Variants in PCDH1 observed in about 807,000 individuals in gnomAD.
The protein encoded by PCDH1 is protocadherin-1.
A neutral mutation model predicts 74.6 loss-of-function variants in PCDH1; 23 were observed. The ratio of observed to expected loss-of-function variants is 0.31; its 90% CI spans 0.22 to 0.44. The LOEUF (loss-of-function observed/expected upper bound fraction) is 0.44, where lower values mean the gene tolerates loss of function less well. Among genes scored for constraint, PCDH1 ranks in the 20% least tolerant of loss-of-function variants. The pLI is 1.00. For missense variants in PCDH1, 1,214 were observed against 1,641.4 expected, an observed-to-expected ratio of 0.74 and a Z score of 4.50; for synonymous variants, 647 against 686.1, an observed-to-expected ratio of 0.94 and a Z score of 0.89.
At chr5:141,859,271 A>G (rs1006017136) in intron 3 of PCDH1, among the ~76,000 whole-genome samples, 1 of 152,220 alleles carries the variant, frequency 6.6e-6, no homozygotes, top group South Asian at 2.1e-4. Context: ...ACCTCCCTGC[A>G]GAACCCATAT....
intron 3 of PCDH1, among the ~76,000 whole-genome samples, chr5:141,858,232 G>A (rs1183260257): frequency 6.6e-6 from 1 of 152,146 alleles, no homozygotes; most frequent in African/African-American, 2.4e-5. Context: ...AGAGAGGCCT[G>A]GGAGTGGAAA....
In PCDH1 at chr5:141,856,301, G is replaced by C. The variant is rs529869746; in HGVS notation, c.3319+951C>G. 58 of 1,530,318 alleles carry C rather than the reference G, an allele frequency of 3.8e-5. No homozygotes were observed. In the African/African-American group the frequency reaches 7.4e-4, roughly 20 times the overall value. 94.8% of individuals were successfully genotyped at this position (1,530,318 alleles called of 1,614,324 possible). ...AAAAGGATGAGACGGGCATGAGATC[G>C]CGCATGGAGGGGCGGGGTGGGGGTG... On this transcript the variant is annotated intron_variant, in intron 4 of 4. Transcript: ENST00000287008.
chr5:141,863,129 G>A lies in PCDH1; in HGVS notation c.3099+103C>T, dbSNP rs374532369. 5 of 1,439,258 alleles carry A rather than the reference G, an allele frequency of 3.5e-6. No homozygotes were observed. Among genetic ancestry groups the A allele is most frequent in the Non-Finnish European group, 4.6e-6 (5 of 1,092,678 alleles). The allele number at this position is 1,439,258 out of a possible 1,614,324, so 89.2% of individuals were successfully genotyped here. The stretch of plus-strand genomic sequence containing the variant: ...TCAGGCTGGCCCCCAACACGGGCAG[G>A]CACAGTAAACCTGCTCCATCACTCC... On this transcript the variant is annotated intron_variant, in intron 3 of 4. Coordinates refer to ENST00000287008, the MANE Select transcript of PCDH1 (RefSeq NM_032420.5). The surrounding 1 kb of genome is among the most constrained non-coding windows in gnomAD (Gnocchi z 7.5).
At position 141,868,552 on chromosome 5, in the gene PCDH1, C is replaced by T. The variant is rs747346477; in HGVS notation, c.903+17G>A. 21 of 1,522,004 alleles carry T rather than the reference C, an allele frequency of 1.4e-5. No individual in the cohort carries two copies. Among genetic ancestry groups the T allele is most frequent in the Admixed American group, 4.4e-5 (2 of 45,026 alleles). 94.3% of individuals were successfully genotyped at this position (1,522,004 alleles called of 1,614,324 possible). On this transcript the variant is annotated intron_variant, in intron 2 of 4. Coordinates refer to ENST00000287008, the MANE Select transcript of PCDH1 (RefSeq NM_032420.5). This position sits in a 1 kb window ranked among gnomAD's most constrained non-coding sequence, Gnocchi z 4.8. Reference sequence around the variant, plus strand: ...GTGGTGGGTCACCCTGACAGTTATACGGAGGGGGCCTCTCACCTGGATGAC... The same window carrying T: ...GTGGTGGGTCACCCTGACAGTTATATGGAGGGGGCCTCTCACCTGGATGAC...
rs1442131287 is a variant in PCDH1 at position 141,857,484 on chromosome 5, A to G, written c.3100-13T>C. 3 of 1,610,470 alleles carry G rather than the reference A, an allele frequency of 1.9e-6. No individual in the cohort carries two copies. The highest frequency in any genetic ancestry group is 2.5e-6 in the Non-Finnish European group (3 of 1,178,352). On this transcript the variant is annotated splice_polypyrimidine_tract_variant and intron_variant, in intron 3 of 4. Transcript: ENST00000287008. ...GGCGGTGAGGTAACTGCAGGGAGAC[A>G]GATTGTCACTACTGACCAGCCAGCT...
chr5:141,865,332 G>C lies in PCDH1; in HGVS notation c.999C>G (p.Asp333Glu), dbSNP rs201976134. 3 of 1,614,172 alleles carry C rather than the reference G, an allele frequency of 1.9e-6. No homozygotes were observed. The highest frequency in any genetic ancestry group is 2.5e-6 in the Non-Finnish European group (3 of 1,180,034). ...GAACAGTGATAAGTCCAGTGTTCCT[G>C]TCCAGTCGAAGAAGACGCCTCACAA... ...PEVVRRLLRL[D>E]RNTGLITVQG... Residue 333 changes from aspartate (D) to glutamate (E), a missense_variant, in exon 3 of 5, where the codon GAC becomes GAG. Asp to Glu is a conservative substitution (Grantham distance 45). Around this residue, in one of 4 missense-constraint regions of PCDH1, gnomAD observed 836 missense variants for 1,182.2 expected, o/e 0.71. Transcript: ENST00000287008. The surrounding 1 kb of genome is among the most constrained non-coding windows in gnomAD (Gnocchi z 4.4).
Position 141,863,794 on chromosome 5 carries a change from C to T in PCDH1, c.2537G>A (p.Arg846His), listed in dbSNP as rs758796441. The T allele has an allele frequency of 5.6e-6, 9 of 1,614,050 alleles. No homozygotes were observed. Among genetic ancestry groups the T allele is most frequent in the African/African-American group, 1.3e-5 (1 of 74,938 alleles). ...GAGAATGTTGCCACGCTGCTTGGAG[C>T]GCTCATATTCTGGATCCCCAGCAAT... ...IDIAGDPEYE[R>H]SKQRGNILFG... The change falls in exon 3 of 5, where the codon CGC (arginine) becomes CAC (histidine). Residue 846 changes from arginine to histidine, a missense_variant. Arg to His is a conservative substitution (Grantham distance 29). This residue lies in a region of PCDH1 where 836 missense variants were observed against 1,182.2 expected (regional missense o/e 0.71). Transcript: ENST00000287008. The surrounding 1 kb of genome is among the most constrained non-coding windows in gnomAD (Gnocchi z 7.5).
chr5:141,866,302 C>T, intron 2 of PCDH1: 7 of 914,018 alleles, frequency 7.7e-6, no homozygotes, highest in Non-Finnish European at 9.2e-6. Context: ...GGCCACAGAG[C>T]CTGCTGGCAG....
intron 1 of PCDH1, among the ~76,000 whole-genome samples, chr5:141,877,812 T>G (rs1220189440): frequency 6.6e-6 from 1 of 151,900 alleles, no homozygotes; most frequent in Non-Finnish European, 1.5e-5. Context: ...GCCCAACAAG[T>G]GTGTATGTAT....
At chr5:141,858,359 G>A (rs182111276) in intron 3 of PCDH1, among the ~76,000 whole-genome samples, 41 of 152,334 alleles carry the variant, frequency 2.7e-4, no homozygotes, top group Admixed American at 2.4e-3. Flanking sequence ...AGAGGGTAGG[G>A]CTCTGCCAGG....
Position 141,863,178 on chromosome 5 carries a change from G to A in PCDH1, c.3099+54C>T, listed in dbSNP as rs569918791. The stretch of plus-strand genomic sequence containing the variant: ...CCCACACCTCGGTCCAGATGGCTCC[G>A]TGGTAGGGGTGGGGTAGGGGCTGGG... On this transcript the variant is annotated intron_variant, in intron 3 of 4. Transcript: ENST00000287008. The surrounding 1 kb of genome is among the most constrained non-coding windows in gnomAD (Gnocchi z 7.5). 3.8e-5 allele frequency: 58 copies of A among 1,512,436 alleles called. 1 individual carries two copies. The highest frequency in any genetic ancestry group is 1.6e-4 in the South Asian group (12 of 73,022). 93.7% of individuals were successfully genotyped at this position (1,512,436 alleles called of 1,614,324 possible). A position where few individuals can be genotyped will look rare whatever the true frequency, so the allele number is the denominator to read the frequency against.
chr5:141,867,678 C>A, intron 2 of PCDH1: 1 of 432,272 alleles, frequency 2.3e-6, no homozygotes, highest in Non-Finnish European at 4.5e-6. Context: ...GGACCCAGGA[C>A]TAAGGGTTTT....
rs1447828257 is a variant in PCDH1, at chr5:141,869,337, T to A, written c.135A>T (p.Ala45=). Reference sequence around the variant, plus strand: ...GGGATGGAGCCAGCAGGAGCAGCAGTGCTAGCAGCATGGAGGGCAGCAGTA... The same window carrying A: ...GGGATGGAGCCAGCAGGAGCAGCAGAGCTAGCAGCATGGAGGGCAGCAGTA... ...QRLLLPSMLL[A]LLLLLAPSPG... is the part of the protein sequence containing the mutation. Residue 45 remains alanine (A), a synonymous_variant, in exon 2 of 5, where the codon GCA becomes GCT. Transcript: ENST00000287008. This position sits in a 1 kb window ranked among gnomAD's most constrained non-coding sequence, Gnocchi z 4.9. The A allele has an allele frequency of 2.5e-6, 4 of 1,598,148 alleles. No individual in the cohort carries two copies. Among genetic ancestry groups the A allele is most frequent in the Non-Finnish European group, 3.4e-6 (4 of 1,173,780 alleles).
At chr5:141,877,673 C>T (rs1340435221) in intron 1 of PCDH1, among the ~76,000 whole-genome samples, 1 of 152,094 alleles carries the variant, frequency 6.6e-6, no homozygotes, top group African/African-American at 2.4e-5. Context: ...CCCCAGTGGG[C>T]GCTGGTGTGC....
At chr5:141,855,768 A>G (rs750770690) in intron 4 of PCDH1, among the ~76,000 whole-genome samples, 1 of 151,042 alleles carries the variant, frequency 6.6e-6, no homozygotes, top group Non-Finnish European at 1.5e-5. Flanking sequence ...ACCAGCCACC[A>G]CCCCTGGCCT....
intron 1 of PCDH1, among the ~76,000 whole-genome samples, chr5:141,873,660 G>A (rs1197938470): frequency 1.8e-4 from 25 of 142,778 alleles, no homozygotes; most frequent in Non-Finnish European, 1.1e-4. Flanking sequence ...GGGTTTCACC[G>A]TGTTAGCCAG....
chr5:141,856,333 A>G, intron 4 of PCDH1: 1 of 1,139,040 alleles, frequency 8.8e-7, no homozygotes, highest in Admixed American at 2.0e-5. Flanking sequence ...GGTGGAGGGC[A>G]CTCTGAGACC....
In PCDH1 at chr5:141,863,256, G is replaced by A. The variant is rs760451004; in HGVS notation, c.3075C>T (p.Asn1025=). The A allele has an allele frequency of 6.3e-6, 10 of 1,593,600 alleles. No individual in the cohort carries two copies. The East Asian group carries it at 2.0e-4, about 32-fold the overall frequency. Residue 1025 remains asparagine, a synonymous_variant, in exon 3 of 5, where the codon AAC becomes AAT. Coordinates refer to ENST00000287008, the MANE Select transcript of PCDH1 (RefSeq NM_032420.5). The surrounding 1 kb of genome is among the most constrained non-coding windows in gnomAD (Gnocchi z 7.5). The stretch of plus-strand genomic sequence containing the variant: ...CCTGCTTGCTGGGGTATTTGGGGGG[G>A]TTGGTGCGGTAGCTGTAGTCGGAGT... The part of the protein sequence containing the change: ...EQYSDYSYRT[N]PPKYPSKQLP...
chr5:141,876,355 CGCAA>C (rs1753234297), intron 1 of PCDH1, among the ~76,000 whole-genome samples: 2 of 152,126 alleles, frequency 1.3e-5, no homozygotes, highest in South Asian at 4.1e-4. Context: ...TAGGGTCCCC[CGCAA>C]GCCGGAGCCG....
Sources: allele counts gnomAD v4.1 joint callset (sites outside exome capture counted in the v4.1 genomes callset), GRCh38; gene constraint gnomAD v4.1.1; regional missense constraint gnomAD v4.1.1; non-coding constraint Gnocchi (gnomAD v3.1); transcripts MANE v1.5; gene names NCBI Gene and HGNC (gene_info 2026-07-23, HGNC 2026-07-21).